Variants in ADAMTS13 observed in about 807,000 individuals in gnomAD.
The protein encoded by ADAMTS13 is A disintegrin and metalloproteinase with thrombospondin motifs 13.
In ADAMTS13, 110 loss-of-function variants were observed where a neutral mutation model predicts 155.1. The ratio of observed to expected loss-of-function variants is 0.71; its 90% confidence interval spans 0.61 to 0.83. The LOEUF is 0.83. ADAMTS13 is among the 40% of genes least tolerant of loss of function. The probability of loss-of-function intolerance (pLI) is 0.00; values close to 1 mark genes in which losing one functional copy is unlikely to be tolerated. For synonymous variants in ADAMTS13, 758 were observed against 756.4 expected (o/e 1.00, Z -0.03); for missense variants, 1,707 against 1,891.7 (o/e 0.90, Z 1.81).
rs963466220 is a variant in ADAMTS13, at chr9:133,454,265, A to AG, written c.3045-146dup. ...GCCGTGAGCCCTGGCCCCAGACAGG[A>AG]GGGGCTCAGTGGCTGCACTTTCCAT... On this transcript the variant is annotated intron_variant, in intron 23 of 28. Coordinates refer to ENST00000355699, the MANE Select transcript of ADAMTS13 (RefSeq NM_139027.6). 32 of 927,012 alleles carry AG rather than the reference A, an allele frequency of 3.5e-5. No homozygotes were observed. The African/African-American group carries it at 4.6e-4, about 13-fold the overall frequency. 57.4% of individuals were successfully genotyped at this position (927,012 alleles called of 1,614,324 possible).
intron 23 of ADAMTS13, 81 bp from the exon 24 acceptor site, chr9:133,454,334 C>G: frequency 6.6e-7 from 1 of 1,515,864 alleles, no homozygotes; most frequent in South Asian, 1.1e-5. Context: ...TCCGAGTACA[C>G]GTGGGTGGAG....
At chr9:133,451,914 A>AG (rs1842456785) in intron 23 of ADAMTS13, among the ~76,000 whole-genome samples, 1 of 151,626 alleles carries the variant, frequency 6.6e-6, no homozygotes, top group Admixed American at 6.6e-5. Context: ...AAAAAAAAAA[A>AG]AAGATTTTAC....
In ADAMTS13 at chr9:133,424,453, G is replaced by A. The variant is rs782716712; in HGVS notation, c.305G>A (p.Arg102His). The change falls in exon 3 of 29, where the codon CGC (arginine) becomes CAC (histidine). Residue 102 changes from arginine (R) to histidine (H), a missense_variant. Arg to His is a conservative substitution (Grantham distance 29). Around this residue, in one of 3 missense-constraint regions of ADAMTS13, gnomAD observed 733 missense variants for 749.6 expected, o/e 0.98. Coordinates refer to ENST00000355699, the MANE Select transcript of ADAMTS13 (RefSeq NM_139027.6). The surrounding 1 kb of genome is among the most constrained non-coding windows in gnomAD (Gnocchi z 4.3). The stretch of plus-strand genomic sequence containing the variant: ...CAGGCTCACCAGGAGGACACAGAGC[G>A]CTATGTGCTCACCAACCTCAACATC... ...VFQAHQEDTE[R>H]YVLTNLNIGA... 161 of 1,613,698 alleles carry A rather than the reference G, an allele frequency of 1.0e-4. No individual in the cohort carries two copies. The highest frequency in any genetic ancestry group is 1.3e-4 in the Non-Finnish European group (152 of 1,179,930).
At chr9:133,433,179 T>G (rs1588165235) in intron 9 of ADAMTS13, among the ~76,000 whole-genome samples, 199 bp from the exon 10 acceptor site, 3 of 129,414 alleles carry the variant, frequency 2.3e-5, no homozygotes, top group Admixed American at 7.8e-5. Flanking sequence ...TGTTGGGGGG[T>G]CTCTGTGTGT....
At chr9:133,444,721 G>A in intron 19 of ADAMTS13, 142 bp from the exon 20 acceptor site, 1 of 822,938 alleles carries the variant, frequency 1.2e-6, no homozygotes, top group South Asian at 1.6e-5. Flanking sequence ...GAGACCCTGA[G>A]CTTCACTTCT....
chr9:133,441,590 G>A lies in ADAMTS13; in HGVS notation c.1969-809G>A, dbSNP rs180765773. Among the ~76,000 whole-genome samples the A allele has an allele frequency of 1.3e-5, 2 of 152,332 alleles. No individual in the cohort carries two copies. The highest frequency in any genetic ancestry group is 6.5e-5 in the Admixed American group (1 of 15,310). ...GAATGTCACCTCGCCCTGGGCTCTG[G>A]CCTCCAGGCTGGCCTCTTTCTTGGG... On this transcript the variant is annotated intron_variant, in intron 16 of 28. Coordinates refer to ENST00000355699, the MANE Select transcript of ADAMTS13 (RefSeq NM_139027.6). This position sits in a 1 kb window ranked among gnomAD's most constrained non-coding sequence, Gnocchi z 5.0.
chr9:133,439,483 A>T (rs1841500648), intron 15 of ADAMTS13, 37 bp downstream of exon 15: 1 of 1,554,004 alleles, frequency 6.4e-7, no homozygotes, highest in South Asian at 1.1e-5. Flanking sequence ...AGTTAGCTAG[A>T]CTGCAAAGGT....
intron 23 of ADAMTS13, among the ~76,000 whole-genome samples, chr9:133,450,649 G>A (rs1170782375): frequency 1.3e-5 from 2 of 152,030 alleles, no homozygotes; most frequent in Admixed American, 6.6e-5. Flanking sequence ...CTTCAGAGGC[G>A]GAGGCAGGAG....
At position 133,440,824 on chromosome 9, in the gene ADAMTS13, G is replaced by A. The variant is rs1451627118; in HGVS notation, c.1968+299G>A. On this transcript the variant is annotated intron_variant, in intron 16 of 28. Transcript: ENST00000355699. The surrounding 1 kb of genome is among the most constrained non-coding windows in gnomAD (Gnocchi z 4.3). ...AATGCAGGGGTCCAGGGCTCCCTGGGAAAGAGTGATGGAGCTGAGGTGTCA... is the reference window on the plus strand; with the variant it reads ...AATGCAGGGGTCCAGGGCTCCCTGGAAAAGAGTGATGGAGCTGAGGTGTCA... Among the ~76,000 whole-genome samples, 4 of 152,152 alleles carry A rather than the reference G, an allele frequency of 2.6e-5. No homozygotes were observed. Among genetic ancestry groups the A allele is most frequent in the Non-Finnish European group, 5.9e-5 (4 of 68,036 alleles).
At chr9:133,455,752 C>G in intron 25 of ADAMTS13, 1 of 1,103,440 alleles carries the variant, frequency 9.1e-7, no homozygotes, top group East Asian at 2.5e-5. Flanking sequence ...TTCTCCCTGG[C>G]AAAGCAAAAC....
intron 21 of ADAMTS13, among the ~76,000 whole-genome samples, chr9:133,447,959 C>T (rs954641661): frequency 6.6e-6 from 1 of 151,608 alleles, no homozygotes; most frequent in African/African-American, 2.4e-5. Flanking sequence ...TTATGATAGA[C>T]ACAATCAGAG....
At chr9:133,428,951 G>C (rs1840494676) in intron 7 of ADAMTS13, among the ~76,000 whole-genome samples, 180 bp downstream of exon 7, 1 of 117,552 alleles carries the variant, frequency 8.5e-6, no homozygotes, top group Non-Finnish European at 1.8e-5. Flanking sequence ...GGAGGGGCGG[G>C]CGCGCGAGCC....
rs1321614992 is a variant in ADAMTS13 at position 133,441,236 on chromosome 9, G to A, written c.1968+711G>A. On this transcript the variant is annotated intron_variant, in intron 16 of 28. Coordinates refer to ENST00000355699, the MANE Select transcript of ADAMTS13 (RefSeq NM_139027.6). The surrounding 1 kb of genome is among the most constrained non-coding windows in gnomAD (Gnocchi z 5.0). ...GCCCAGTCTCAGCGGCCGGAGCAGCGTCCTCTGCCCCTACAGCAGCCAGAG... is the reference window on the plus strand; with the variant it reads ...GCCCAGTCTCAGCGGCCGGAGCAGCATCCTCTGCCCCTACAGCAGCCAGAG... 6.6e-6 allele frequency among the ~76,000 whole-genome samples: 1 copy of A among 152,140 alleles called. No individual in the cohort carries two copies. Among genetic ancestry groups the A allele is most frequent in the African/African-American group, 2.4e-5 (1 of 41,422 alleles).
rs1554793876 is a variant in ADAMTS13 at position 133,449,881 on chromosome 9, AG to A, written c.2962del (p.Glu988ArgfsTer133). 6.2e-7 allele frequency: 1 copy of A among 1,613,944 alleles called. No homozygotes were observed. ...CARAHGEDDG[E>X]EILLDTQCQG... ...CGGGCCCATGGGGAGGACGATGGTG[AG>A]GAGATCCTGTTGGACACCCAGTGCC... is the stretch of plus-strand genomic sequence containing the variant. On this transcript the variant is annotated frameshift_variant, in exon 23 of 29. Coordinates refer to ENST00000355699, the MANE Select transcript of ADAMTS13 (RefSeq NM_139027.6). LOFTEE classifies it high-confidence loss of function.
rs782185362 is a variant in ADAMTS13, at chr9:133,454,445, G to A, written c.3075G>A (p.Ser1025=). ...RWKVMSLGPC[S]ASCGLGTARR... is the part of the protein sequence containing the mutation. Reference sequence around the variant, plus strand: ...AAGTCATGTCCCTTGGCCCATGTTCGGCCAGCTGTGGCCTTGGCACTGCTA... The same window carrying A: ...AAGTCATGTCCCTTGGCCCATGTTCAGCCAGCTGTGGCCTTGGCACTGCTA... Residue 1025 remains serine, a synonymous_variant, in exon 24 of 29, where the codon TCG becomes TCA. Transcript: ENST00000355699. 1.7e-5 allele frequency: 28 copies of A among 1,613,630 alleles called. No individual in the cohort carries two copies. Among genetic ancestry groups the A allele is most frequent in the African/African-American group, 2.7e-5 (2 of 74,936 alleles).
Position 133,448,584 on chromosome 9 carries a change from G to A in ADAMTS13, c.2732-15G>A. The A allele has an allele frequency of 1.2e-6, 2 of 1,608,402 alleles. No homozygotes were observed. Among genetic ancestry groups the A allele is most frequent in the Non-Finnish European group, 1.7e-6 (2 of 1,179,674 alleles). On this transcript the variant is annotated splice_polypyrimidine_tract_variant and intron_variant, in intron 21 of 28. Coordinates refer to ENST00000355699, the MANE Select transcript of ADAMTS13 (RefSeq NM_139027.6). ...CTGTCCCTTGGGGCTCTGGGTCTCT[G>A]CTTTGTCCACGCAGGTCTGATGGAG...
intron 11 of ADAMTS13, among the ~76,000 whole-genome samples, chr9:133,435,496 G>T (rs1268566953): frequency 7.8e-6 from 1 of 128,306 alleles, no homozygotes; most frequent in Non-Finnish European, 1.8e-5. Flanking sequence ...GCCTATGTTT[G>T]ACTTTTTTTT....
chr9:133,432,708 G>T lies in ADAMTS13; in HGVS notation c.1092+16G>T. On this transcript the variant is annotated intron_variant, in intron 9 of 28. Transcript: ENST00000355699. ...CGTGGAGAAGGTCAGAGCCAAGAGT[G>T]AATGAGTGGGCTCCTGTGAGCACGT... 2 of 1,550,612 alleles carry T rather than the reference G, an allele frequency of 1.3e-6. No homozygotes were observed. The highest frequency in any genetic ancestry group is 2.4e-5 in the South Asian group (2 of 84,238).
Position 133,456,137 on chromosome 9 carries a change from T to A in ADAMTS13, c.3469T>A (p.Cys1157Ser). Reference sequence around the variant, plus strand: ...CATGCGAGGCCCAGGGCAGGCAGACTGTGCAGTGGCCATTGGGCGGCCCCT... The same window carrying A: ...CATGCGAGGCCCAGGGCAGGCAGACAGTGCAGTGGCCATTGGGCGGCCCCT... ...IDMRGPGQADCAVAIGRPLGE... is the reference protein window; with the variant it reads ...IDMRGPGQADSAVAIGRPLGE... The change falls in exon 26 of 29, where the codon TGT (cysteine) becomes AGT (serine). Residue 1157 changes from cysteine to serine, a missense_variant. By Grantham distance (112) the Cys-to-Ser change is moderately radical (BLOSUM62 -1). This residue lies in a region of ADAMTS13 where 961 missense variants were observed against 1,107.9 expected (regional missense o/e 0.87). Coordinates refer to ENST00000355699, the MANE Select transcript of ADAMTS13 (RefSeq NM_139027.6). This position sits in a 1 kb window ranked among gnomAD's most constrained non-coding sequence, Gnocchi z 4.4. 6.2e-7 allele frequency: 1 copy of A among 1,613,454 alleles called. No individual in the cohort carries two copies. The highest frequency in any genetic ancestry group is 8.5e-7 in the Non-Finnish European group (1 of 1,180,034).
Sources: gnomAD v4.1 joint callset for allele counts (sites outside exome capture counted in the v4.1 genomes callset) on GRCh38, gnomAD v4.1.1 for gene constraint, gnomAD v4.1.1 regional missense constraint, Gnocchi (gnomAD v3.1) non-coding constraint, MANE v1.5 for transcripts, NCBI Gene and HGNC (gene_info 2026-07-23, HGNC 2026-07-21) for gene names.